LYN: variants seen among roughly 807,000 people sequenced by gnomAD.
LYN encodes tyrosine-protein kinase Lyn.
LYN carries 12 observed loss-of-function variants against 65.0 expected under a neutral mutation model. The ratio of observed to expected loss-of-function variants is 0.18; its 90% CI spans 0.12 to 0.30. The LOEUF is 0.30. Among genes scored for constraint, LYN ranks in the 10% least tolerant of loss-of-function variants. The pLI is 1.00. For synonymous variants in LYN, 222 were observed against 221.2 expected (o/e 1.00, Z -0.03); for missense variants, 380 against 623.2 (o/e 0.61, Z 4.16).
At chr8:55,938,944 C>T (rs188543500) in intron 1 of LYN, among the ~76,000 whole-genome samples, 7 of 152,226 alleles carry the variant, frequency 4.6e-5, no homozygotes, top group Admixed American at 3.9e-4. Context: ...AGTCATCTGG[C>T]CGTATGGTTT....
intron 10 of LYN, among the ~76,000 whole-genome samples, chr8:55,985,412 G>A (rs183168308): frequency 2.3e-3 from 349 of 152,244 alleles, no homozygotes; most frequent in African/African-American, 7.6e-3. Context: ...TTTTGAAAAC[G>A]CACTTCAAAG....
intron 12 of LYN, among the ~76,000 whole-genome samples, chr8:56,007,332 C>A (rs577137596): frequency 4.0e-4 from 61 of 152,314 alleles, no homozygotes; most frequent in African/African-American, 1.4e-3. Context: ...CAGAGCAATG[C>A]TGAGGCCATA....
At chr8:55,895,995 C>A (rs1245005975) in intron 1 of LYN, among the ~76,000 whole-genome samples, 1 of 152,128 alleles carries the variant, frequency 6.6e-6, no homozygotes, top group African/African-American at 2.4e-5. Context: ...GGTGTACATA[C>A]CAGGTGCACT....
intron 1 of LYN, among the ~76,000 whole-genome samples, chr8:55,895,098 G>A (rs901736709): frequency 2.0e-5 from 3 of 152,116 alleles, no homozygotes; most frequent in Admixed American, 2.0e-4. Flanking sequence ...GATTACAGAC[G>A]TGAACCACTG....
At chr8:55,981,791 G>A (rs7004280) in intron 10 of LYN, among the ~76,000 whole-genome samples, 6 of 152,144 alleles carry the variant, frequency 3.9e-5, no homozygotes, top group Non-Finnish European at 7.4e-5. Context: ...TGAAATAAAA[G>A]TGAGAAAAGA....
intron 1 of LYN, among the ~76,000 whole-genome samples, chr8:55,924,909 G>A (rs572285285): frequency 4.0e-5 from 6 of 148,342 alleles, no homozygotes; most frequent in South Asian, 4.3e-4. Context: ...TGGTGCGATC[G>A]TGGCTCACTG....
intron 12 of LYN, among the ~76,000 whole-genome samples, chr8:56,004,809 G>A (rs1002635990): frequency 6.6e-6 from 1 of 151,968 alleles, no homozygotes; most frequent in African/African-American, 2.4e-5. Context: ...TTATTTGACA[G>A]GGTCTTGCTC....
chr8:55,911,286 T>TATATA lies in LYN; in HGVS notation c.-5-30569_-5-30568insATATA, dbSNP rs1491536693. ...ATATATATATATATATATATATATATTTTTTTTTTTTTTTTAGTAGAGACA... is the reference window on the plus strand; with the variant it reads ...ATATATATATATATATATATATATATATATATTTTTTTTTTTTTTTAGTAGAGACA... On this transcript the variant is annotated intron_variant, in intron 1 of 12. Coordinates refer to ENST00000519728, the MANE Select transcript of LYN (RefSeq NM_002350.4). 3.2e-3 allele frequency among the ~76,000 whole-genome samples: 61 copies of TATATA among 18,802 alleles called. 7 individuals are homozygous for TATATA. Among genetic ancestry groups the TATATA allele is most frequent in the South Asian group, 0.011 (7 of 624 alleles). The allele number at this position is 18,802 out of a possible 152,430, so 12.3% of individuals were successfully genotyped here. A position where few individuals can be genotyped will look rare whatever the true frequency, so the allele number is the denominator to read the frequency against.
chr8:55,946,129 G>T (rs1261986996), intron 2 of LYN, among the ~76,000 whole-genome samples: 1 of 152,180 alleles, frequency 6.6e-6, no homozygotes, highest in Admixed American at 6.5e-5. Context: ...TCATTGAGCT[G>T]GGCAAACTGC....
intron 1 of LYN, among the ~76,000 whole-genome samples, chr8:55,921,375 C>T (rs1278577868): frequency 1.3e-5 from 2 of 152,198 alleles, no homozygotes; most frequent in African/African-American, 2.4e-5. Context: ...GGTTTACAGT[C>T]TATCGAGGAG....
At chr8:55,994,344 G>A (rs777613702) in intron 10 of LYN, among the ~76,000 whole-genome samples, 1 of 152,062 alleles carries the variant, frequency 6.6e-6, no homozygotes, top group Non-Finnish European at 1.5e-5. Flanking sequence ...CTTGGTGAAC[G>A]CTTTAATTAC....
intron 1 of LYN, among the ~76,000 whole-genome samples, chr8:55,921,310 T>C (rs979571450): frequency 3.9e-5 from 6 of 152,200 alleles, no homozygotes; most frequent in Non-Finnish European, 7.3e-5. Flanking sequence ...TGTGTATGTT[T>C]TATTGAAGCA....
chr8:55,946,521 A>T (rs1035116271), intron 3 of LYN, 28 bp downstream of exon 3: 41 of 1,519,860 alleles, frequency 2.7e-5, no homozygotes, highest in Admixed American at 1.3e-4. Flanking sequence ...CATAGTTAAA[A>T]TTTTTTTTCT....
At chr8:55,960,374 A>G (rs1159326758) in intron 8 of LYN, among the ~76,000 whole-genome samples, 3 of 152,116 alleles carry the variant, frequency 2.0e-5, no homozygotes, top group Non-Finnish European at 4.4e-5. Flanking sequence ...GAAGGAAAAG[A>G]AGGGAAGGGG....
At chr8:55,923,223 C>T (rs1805995929) in intron 1 of LYN, among the ~76,000 whole-genome samples, 1 of 152,146 alleles carries the variant, frequency 6.6e-6, no homozygotes, top group South Asian at 2.1e-4. Context: ...GGGGTGGCCT[C>T]TAAGGTACTG....
Position 56,013,931 on chromosome 8 carries a change from T to A in LYN, c.*3821T>A, listed in dbSNP as rs1376716652. ...TTAAGTGAAGTCTTGCTGTTCTTCC[T>A]GATGGAAATGGTAATTATAAACATA... On this transcript the variant is annotated 3_prime_UTR_variant, in exon 13 of 13. Coordinates refer to ENST00000519728, the MANE Select transcript of LYN (RefSeq NM_002350.4). The A allele has an allele frequency of 6.6e-6, 1 of 152,262 alleles. No individual in the cohort carries two copies. Among genetic ancestry groups the A allele is most frequent in the Non-Finnish European group, 1.5e-5 (1 of 68,056 alleles). 9.4% of individuals were successfully genotyped at this position (152,262 alleles called of 1,614,324 possible). A position where few individuals can be genotyped will look rare whatever the true frequency, so the allele number is the denominator to read the frequency against.
intron 1 of LYN, among the ~76,000 whole-genome samples, chr8:55,923,298 T>C (rs542415857): frequency 6.6e-4 from 100 of 152,272 alleles, no homozygotes; most frequent in African/African-American, 2.3e-3. Flanking sequence ...ATAAAGCAGG[T>C]GGGTCCCGGT....
intron 1 of LYN, among the ~76,000 whole-genome samples, chr8:55,933,560 T>G (rs935651581): frequency 6.6e-6 from 1 of 152,238 alleles, no homozygotes; most frequent in Admixed American, 6.5e-5. Context: ...ATTGTATCAC[T>G]TATCCTCTCA....
At chr8:55,951,788 G>T (rs1806957836) in intron 6 of LYN, among the ~76,000 whole-genome samples, 178 bp from the exon 7 acceptor site, 1 of 152,036 alleles carries the variant, frequency 6.6e-6, no homozygotes, top group South Asian at 2.1e-4. Flanking sequence ...CAAACAAAAT[G>T]CCAGCTTCAT....
Sources: allele counts gnomAD v4.1 joint callset (sites outside exome capture counted in the v4.1 genomes callset), GRCh38; gene constraint gnomAD v4.1.1; transcripts MANE v1.5; gene names NCBI Gene and HGNC (gene_info 2026-07-23, HGNC 2026-07-21).